Variants in ADGRB3 observed in about 807,000 individuals in gnomAD.
ADGRB3 encodes adhesion G protein-coupled receptor B3.
A neutral mutation model predicts 193.4 loss-of-function variants in ADGRB3; 37 were observed. That is an observed-to-expected ratio of 0.19 (90% CI 0.15 to 0.25). The LOEUF (loss-of-function observed/expected upper bound fraction) is 0.25. Among genes scored for constraint, ADGRB3 ranks in the 10% least tolerant of loss-of-function variants. The pLI, the probability that ADGRB3 is intolerant of heterozygous loss-of-function variation, is 1.00. For synonymous variants in ADGRB3, 690 were observed against 644.2 expected (o/e 1.07, Z -1.08); for missense variants, 1,637 against 1,852.9 (o/e 0.88, Z 2.14).
chr6:68,948,337 A>T (rs1169999477), intron 6 of ADGRB3, among the ~76,000 whole-genome samples: 1 of 152,184 alleles, frequency 6.6e-6, no homozygotes, highest in East Asian at 1.9e-4. Flanking sequence ...GTGTCTTTTT[A>T]TGGTGATTCC....
At chr6:68,719,843 C>T (rs898828031) in intron 3 of ADGRB3, among the ~76,000 whole-genome samples, 3 of 151,560 alleles carry the variant, frequency 2.0e-5, no homozygotes, top group African/African-American at 7.3e-5. Context: ...CCCATTGCTT[C>T]ACATAGAAAT....
intron 13 of ADGRB3, among the ~76,000 whole-genome samples, chr6:69,045,508 A>T (rs1668946468): frequency 6.6e-6 from 1 of 152,102 alleles, no homozygotes; most frequent in Admixed American, 6.5e-5. Context: ...AGTAGATTTT[A>T]AGTGTTCTCA....
At chr6:69,081,476 A>G (rs1772384500) in intron 17 of ADGRB3, among the ~76,000 whole-genome samples, 1 of 152,020 alleles carries the variant, frequency 6.6e-6, no homozygotes, top group African/African-American at 2.4e-5. Context: ...AAAAAGCAAT[A>G]GAAAAAATTT....
chr6:69,124,934 T>G (rs1343435337), intron 17 of ADGRB3, among the ~76,000 whole-genome samples: 2 of 152,064 alleles, frequency 1.3e-5, no homozygotes, highest in Non-Finnish European at 2.9e-5. Flanking sequence ...TCATTCCATA[T>G]TTATGGATGA....
At chr6:68,865,705 C>T (rs911352873) in intron 3 of ADGRB3, among the ~76,000 whole-genome samples, 11 of 152,112 alleles carry the variant, frequency 7.2e-5, no homozygotes, top group Admixed American at 3.3e-4. Flanking sequence ...CATGGAAACT[C>T]ATTCATTTTC....
At chr6:69,232,662 CA>C in intron 17 of ADGRB3, 1 of 1,520,092 alleles carries the variant, frequency 6.6e-7, no homozygotes, top group Non-Finnish European at 8.8e-7. Flanking sequence ...GGATACCAGG[CA>C]AAGGCAATGA....
chr6:68,729,653 C>T (rs1452342678), intron 3 of ADGRB3, among the ~76,000 whole-genome samples: 1 of 151,558 alleles, frequency 6.6e-6, no homozygotes, highest in African/African-American at 2.4e-5. Context: ...AGGCTATTTA[C>T]AGATTCAGGG....
chr6:69,114,684 G>A (rs565129123), intron 17 of ADGRB3, among the ~76,000 whole-genome samples: 5 of 143,798 alleles, frequency 3.5e-5, no homozygotes, highest in East Asian at 2.0e-4. Flanking sequence ...GTTGATTTTT[G>A]TATAAGTTGT....
chr6:68,802,183 CGTGT>C (rs9294808), intron 3 of ADGRB3, among the ~76,000 whole-genome samples: 91 of 142,794 alleles, frequency 6.4e-4, no homozygotes, highest in East Asian at 1.6e-3. Context: ...TGCACATATG[CGTGT>C]GTGTGTGTGT....
In ADGRB3 at chr6:69,261,177, C is replaced by T. The variant is rs115796310; in HGVS notation, c.2814+21951C>T. Among the ~76,000 whole-genome samples the T allele has an allele frequency of 3.4e-3, 512 of 152,236 alleles. 1 individual carries two copies. The highest frequency in any genetic ancestry group is 0.012 in the African/African-American group (479 of 41,564). On this transcript the variant is annotated intron_variant, in intron 20 of 31. Transcript: ENST00000370598. ...TAGCAGCAAGGCTAATCTATAGCTG[C>T]GGCCTTTCTTAATGAGCGTTGCTGG...
At chr6:69,205,719 C>T (rs1296211864) in intron 17 of ADGRB3, among the ~76,000 whole-genome samples, 1 of 151,972 alleles carries the variant, frequency 6.6e-6, no homozygotes, top group Admixed American at 6.6e-5. Context: ...TGATAACTAA[C>T]TCACTTCCAC....
chr6:68,805,216 C>T (rs1394183481), intron 3 of ADGRB3, among the ~76,000 whole-genome samples: 1 of 152,186 alleles, frequency 6.6e-6, no homozygotes, highest in Non-Finnish European at 1.5e-5. Context: ...ATTGGGATTA[C>T]AGGTGTGAGC....
At chr6:69,296,321 G>A (rs1217872513) in intron 20 of ADGRB3, among the ~76,000 whole-genome samples, 2 of 152,132 alleles carry the variant, frequency 1.3e-5, no homozygotes, top group Non-Finnish European at 2.9e-5. Flanking sequence ...TGATTTCCTA[G>A]CTATGTTGCA....
intron 20 of ADGRB3, among the ~76,000 whole-genome samples, chr6:69,288,300 T>C (rs1767594839): frequency 6.6e-6 from 1 of 152,228 alleles, no homozygotes; most frequent in African/African-American, 2.4e-5. Flanking sequence ...ATGCGGTGTT[T>C]GGTTTTCTGT....
At chr6:69,125,153 C>G (rs934605104) in intron 17 of ADGRB3, among the ~76,000 whole-genome samples, 3 of 152,102 alleles carry the variant, frequency 2.0e-5, no homozygotes, top group African/African-American at 7.2e-5. Flanking sequence ...ACCTAACATC[C>G]CTTTTGGACA....
chr6:69,320,702 G>A (rs941729178), intron 20 of ADGRB3, among the ~76,000 whole-genome samples: 1 of 151,556 alleles, frequency 6.6e-6, no homozygotes, highest in African/African-American at 2.4e-5. Context: ...AGAACCTGAT[G>A]TCAATCTGAT....
At chr6:68,643,426 C>A (rs1768127628) in intron 3 of ADGRB3, among the ~76,000 whole-genome samples, 1 of 132,836 alleles carries the variant, frequency 7.5e-6, no homozygotes, top group South Asian at 2.4e-4. Context: ...TCTCTTTACA[C>A]TCTTCATCTT....
At chr6:69,197,415 C>CTT (rs3839472) in intron 17 of ADGRB3, among the ~76,000 whole-genome samples, 82 of 149,614 alleles carry the variant, frequency 5.5e-4, no homozygotes, top group African/African-American at 1.8e-3. Context: ...TTACTAAAGA[C>CTT]TTTTTTTTTT....
At chr6:68,805,371 T>C (rs1171921924) in intron 3 of ADGRB3, among the ~76,000 whole-genome samples, 1 of 152,218 alleles carries the variant, frequency 6.6e-6, no homozygotes, top group East Asian at 1.9e-4. Flanking sequence ...CCCCCAAATA[T>C]TGATTACTCA....
Sources: allele counts gnomAD v4.1 joint callset (sites outside exome capture counted in the v4.1 genomes callset), GRCh38; gene constraint gnomAD v4.1.1; transcripts MANE v1.5; gene names NCBI Gene and HGNC (gene_info 2026-07-23, HGNC 2026-07-21).